Variants in CNBD1 observed in about 807,000 individuals in gnomAD.
CNBD1 encodes cyclic nucleotide-binding domain-containing protein 1.
In CNBD1, 71 loss-of-function variants were observed where a neutral mutation model predicts 54.4. The observed-to-expected ratio is 1.30, with a 90% CI of 1.08 to 1.59. The LOEUF (loss-of-function observed/expected upper bound fraction) is 1.59. Among genes scored for constraint, CNBD1 ranks in the 40% most tolerant of loss-of-function variants. The pLI is 0.00. For synonymous variants in CNBD1, 182 were observed against 170.7 expected (o/e 1.07, Z -0.51); for missense variants, 659 against 518.0 (o/e 1.27, Z -2.64).
chr8:87,139,335 A>C (rs978096331), intron 4 of CNBD1, among the ~76,000 whole-genome samples: 1 of 152,222 alleles, frequency 6.6e-6, no homozygotes, highest in Non-Finnish European at 1.5e-5. Context: ...TAACTAGAGT[A>C]GGTATTGTGA....
intron 6 of CNBD1, among the ~76,000 whole-genome samples, chr8:87,245,117 T>G (rs1807778427): frequency 6.6e-6 from 1 of 152,114 alleles, no homozygotes; most frequent in Admixed American, 6.5e-5. Flanking sequence ...GCTTGTAATA[T>G]ATTTATAACA....
chr8:87,315,841 T>C (rs1015617936), intron 8 of CNBD1, among the ~76,000 whole-genome samples: 2 of 152,030 alleles, frequency 1.3e-5, no homozygotes, highest in Non-Finnish European at 2.9e-5. Context: ...TTAAAGTAGG[T>C]AGCAGAGAAG....
intron 1 of CNBD1, among the ~76,000 whole-genome samples, chr8:86,877,986 T>G (rs1185072888): frequency 1.3e-5 from 2 of 152,016 alleles, no homozygotes; most frequent in Non-Finnish European, 2.9e-5. Flanking sequence ...TATTTTATCT[T>G]CCTCTTATTT....
intron 4 of CNBD1, among the ~76,000 whole-genome samples, chr8:87,117,880 A>C (rs183224638): frequency 6.6e-6 from 1 of 152,316 alleles, no homozygotes; most frequent in African/African-American, 2.4e-5. Context: ...ATATTTATTG[A>C]GGACCTACCA....
At chr8:87,409,262 G>T (rs925661054) in intron 2 of CNBD1, among the ~76,000 whole-genome samples, 1 of 152,096 alleles carries the variant, frequency 6.6e-6, no homozygotes, top group Non-Finnish European at 1.5e-5. Context: ...AGCTTTAGTG[G>T]TCTGAATAGA....
In CNBD1 at chr8:87,111,768, C is replaced by T. The variant is rs552968196; in HGVS notation, c.432-94225C>T. On this transcript the variant is annotated intron_variant, in intron 4 of 10. Transcript: ENST00000518476. ...AGTCTATGAGCATTTCCATGGATCCCTGTGGGTTAGGACACCCCCCTCCCG... is the reference window on the plus strand; with the variant it reads ...AGTCTATGAGCATTTCCATGGATCCTTGTGGGTTAGGACACCCCCCTCCCG... 9.9e-4 allele frequency among the ~76,000 whole-genome samples: 151 copies of T among 152,214 alleles called. 2 individuals carry two copies. Among genetic ancestry groups the T allele is most frequent in the African/African-American group, 3.4e-3 (143 of 41,524 alleles).
At chr8:87,128,078 T>C (rs1325923500) in intron 4 of CNBD1, among the ~76,000 whole-genome samples, 3 of 152,110 alleles carry the variant, frequency 2.0e-5, no homozygotes, top group East Asian at 3.9e-4. Context: ...CAGGGGAAGA[T>C]AATCTTCCCA....
At chr8:87,153,044 T>C (rs775441332) in intron 4 of CNBD1, among the ~76,000 whole-genome samples, 2 of 152,204 alleles carry the variant, frequency 1.3e-5, no homozygotes, top group African/African-American at 2.4e-5. Context: ...GTTCTACAGA[T>C]GATCAACTTT....
intron 4 of CNBD1, among the ~76,000 whole-genome samples, chr8:86,960,366 C>T (rs1807896822): frequency 6.6e-6 from 1 of 152,158 alleles, no homozygotes; most frequent in Admixed American, 6.5e-5. Context: ...GGTCCCACAC[C>T]CACAGAGCCT....
chr8:87,064,519 T>A (rs1255972832), intron 4 of CNBD1, among the ~76,000 whole-genome samples: 1 of 151,866 alleles, frequency 6.6e-6, no homozygotes, highest in Non-Finnish European at 1.5e-5. Context: ...GTCTTTTAAT[T>A]TTTTTATATT....
intron 8 of CNBD1, among the ~76,000 whole-genome samples, chr8:87,351,018 T>C (rs1002436507): frequency 2.0e-5 from 3 of 152,194 alleles, no homozygotes; most frequent in Non-Finnish European, 4.4e-5. Context: ...TGTGTTATAC[T>C]GTGTACCAGG....
intron 2 of CNBD1, among the ~76,000 whole-genome samples, chr8:87,420,820 C>G (rs1010462535): frequency 2.0e-5 from 3 of 150,344 alleles, no homozygotes; most frequent in African/African-American, 7.3e-5. Context: ...TGAAAATTAA[C>G]CTCATTAATT....
intron 4 of CNBD1, among the ~76,000 whole-genome samples, chr8:87,056,696 T>C (rs1810423528): frequency 6.6e-6 from 1 of 152,014 alleles, no homozygotes; most frequent in Non-Finnish European, 1.5e-5. Flanking sequence ...TTTAAAGAGA[T>C]AAAATTAGAA....
chr8:87,370,511 T>G (rs1259225428), intron 10 of CNBD1, among the ~76,000 whole-genome samples: 3 of 152,192 alleles, frequency 2.0e-5, no homozygotes, highest in African/African-American at 7.2e-5. Flanking sequence ...GTCTTTTGGC[T>G]GCATAAATGT....
intron 4 of CNBD1, among the ~76,000 whole-genome samples, chr8:87,178,107 TTG>T (rs1813234666): frequency 6.6e-6 from 1 of 152,160 alleles, no homozygotes; most frequent in Admixed American, 6.5e-5. Flanking sequence ...TAAAAATCTA[TTG>T]AGCACGTTCT....
At chr8:87,320,618 G>T (rs1175783116) in intron 8 of CNBD1, among the ~76,000 whole-genome samples, 1 of 123,652 alleles carries the variant, frequency 8.1e-6, no homozygotes, top group Non-Finnish European at 1.7e-5. Flanking sequence ...ACGTGTGTGT[G>T]TGGGGGGGCG....
intron 4 of CNBD1, among the ~76,000 whole-genome samples, chr8:87,137,190 A>T (rs117986189): frequency 1.6e-5 from 2 of 122,406 alleles, no homozygotes; most frequent in Admixed American, 9.2e-5. Flanking sequence ...TTTATTCTAT[A>T]TAAATTATAT....
At chr8:87,396,266 T>C (rs1811407634) in intron 2 of CNBD1, among the ~76,000 whole-genome samples, 1 of 151,988 alleles carries the variant, frequency 6.6e-6, no homozygotes, top group African/African-American at 2.4e-5. Context: ...TGTTTGTCTA[T>C]AGTTTCATAC....
chr8:87,153,307 T>G (rs1045692091), intron 4 of CNBD1, among the ~76,000 whole-genome samples: 21 of 152,220 alleles, frequency 1.4e-4, no homozygotes, highest in African/African-American at 5.1e-4. Context: ...TACATCAATT[T>G]TCTGGATATC....
Sources: allele counts gnomAD v4.1 joint callset (sites outside exome capture counted in the v4.1 genomes callset), GRCh38; gene constraint gnomAD v4.1.1; transcripts MANE v1.5; gene names NCBI Gene and HGNC (gene_info 2026-07-23, HGNC 2026-07-21).